The following TOM1L2 variants were observed in gnomAD, a reference collection of about 807,000 sequenced individuals.
TOM1L2 encodes the protein TOM1-like protein 2.
Under a neutral mutation model 67.9 loss-of-function variants are expected in TOM1L2, and 31 were observed. The observed-to-expected ratio is 0.46, with a 90% CI of 0.34 to 0.62. TOM1L2 has a LOEUF of 0.62. TOM1L2 is among the 20% of genes least tolerant of loss of function. The probability of loss-of-function intolerance (pLI) is 0.01; values close to 1 mark genes in which losing one functional copy is unlikely to be tolerated. For missense variants in TOM1L2, 606 were observed against 663.5 expected (o/e 0.91, Z 0.95); for synonymous variants, 256 against 254.0 (o/e 1.01, Z -0.07).
At chr17:17,952,376 CTTTTTTTTTTT>C (rs60388742) in intron 1 of TOM1L2, among the ~76,000 whole-genome samples, 13 of 79,914 alleles carry the variant, frequency 1.6e-4, no homozygotes, top group Non-Finnish European at 2.4e-4. Flanking sequence ...TCTTTATTTT[CTTTTTTTTTTT>C]TTTTTTTTTT....
rs534707601 is a variant in TOM1L2, at chr17:17,947,647, G to A, written c.52+24615C>T. Among the ~76,000 whole-genome samples, 35 of 152,260 alleles carry A rather than the reference G, an allele frequency of 2.3e-4. 1 individual carries two copies. The highest frequency in any genetic ancestry group is 4.4e-4 in the Non-Finnish European group (30 of 68,024). ...GTTCGGTTAAGCCTTCCAGTCTGTG[G>A]TATTTTGTTATGGTAGCCCTAGCAA... On this transcript the variant is annotated intron_variant, in intron 1 of 14. Coordinates refer to ENST00000379504, the MANE Select transcript of TOM1L2 (RefSeq NM_001082968.2).
chr17:17,884,772 G>A lies in TOM1L2; in HGVS notation c.367-4C>T, dbSNP rs1411679458. On this transcript the variant is annotated splice_polypyrimidine_tract_variant and splice_region_variant and intron_variant, in intron 4 of 14. Coordinates refer to ENST00000379504, the MANE Select transcript of TOM1L2 (RefSeq NM_001082968.2). ...TTCGAAAGGCATCAGCCCATGCCTG[G>A]GATAATAGAAGGCCTGTTAGGAAGC... The A allele has an allele frequency of 1.9e-6, 3 of 1,613,214 alleles. No homozygotes were observed. Among genetic ancestry groups the A allele is most frequent in the Middle Eastern group, 1.9e-4 (1 of 5,312 alleles).
intron 10 of TOM1L2, among the ~76,000 whole-genome samples, chr17:17,864,723 G>C (rs1379312827): frequency 6.6e-6 from 1 of 152,096 alleles, no homozygotes; most frequent in Non-Finnish European, 1.5e-5. Context: ...TGTTGGTTAG[G>C]CTGGTCTTGA....
chr17:17,945,141 A>T (rs2040888135), intron 1 of TOM1L2, among the ~76,000 whole-genome samples: 1 of 152,202 alleles, frequency 6.6e-6, no homozygotes, highest in Admixed American at 6.6e-5. Flanking sequence ...AAGGTAATGC[A>T]AAAGTCTTTA....
intron 1 of TOM1L2, among the ~76,000 whole-genome samples, chr17:17,924,788 A>C (rs1479985257): frequency 1.3e-5 from 2 of 152,140 alleles, no homozygotes; most frequent in East Asian, 3.8e-4. Flanking sequence ...AATTCTTAAA[A>C]CTTCTCAAAT....
rs2035700408 is a variant in TOM1L2 at position 17,847,397 on chromosome 17, G to A, written c.*238C>T. The A allele has an allele frequency of 1.7e-6, 1 of 572,494 alleles. No homozygotes were observed. The highest frequency in any genetic ancestry group is 3.2e-5 in the East Asian group (1 of 31,600). 35.5% of individuals were successfully genotyped at this position (572,494 alleles called of 1,614,324 possible). A position where few individuals can be genotyped will look rare whatever the true frequency, so the allele number is the denominator to read the frequency against. On this transcript the variant is annotated 3_prime_UTR_variant, in exon 15 of 15. Transcript: ENST00000379504. ...CTTCCTGGGAGGAAACATGGGCAGA[G>A]GGGCCCATGGTGGGAGGGGAGAGAG...
chr17:17,891,131 G>C (rs978994845), intron 4 of TOM1L2, among the ~76,000 whole-genome samples: 1 of 152,232 alleles, frequency 6.6e-6, no homozygotes, highest in African/African-American at 2.4e-5. Context: ...AGAAGCTTGT[G>C]AGGCATCTCA....
At chr17:17,962,916 G>A (rs2041746059) in intron 1 of TOM1L2, among the ~76,000 whole-genome samples, 1 of 151,194 alleles carries the variant, frequency 6.6e-6, no homozygotes, top group Non-Finnish European at 1.5e-5. Flanking sequence ...AGCCGAGGTC[G>A]TGCCACTGCA....
chr17:17,896,751 T>G (rs1215137961), intron 3 of TOM1L2, among the ~76,000 whole-genome samples: 2 of 152,194 alleles, frequency 1.3e-5, no homozygotes, highest in Non-Finnish European at 2.9e-5. Flanking sequence ...GATGTTTAAG[T>G]CCACAAATGA....
chr17:17,972,252 G>C lies in TOM1L2; in HGVS notation c.52+10C>G. 1 of 1,549,744 alleles carries C rather than the reference G, an allele frequency of 6.5e-7. No homozygotes were observed. The highest frequency in any genetic ancestry group is 8.7e-7 in the Non-Finnish European group (1 of 1,147,180). On this transcript the variant is annotated intron_variant, in intron 1 of 14. Transcript: ENST00000379504. ...CGTTGCCCAGCCTCCTGCCCCACAC[G>C]CGGCCTTACCGAGGCACTGCCCCAC... is the stretch of plus-strand genomic sequence containing the variant.
chr17:17,901,183 G>C (rs754587372), intron 2 of TOM1L2, among the ~76,000 whole-genome samples: 1 of 152,156 alleles, frequency 6.6e-6, no homozygotes, highest in African/African-American at 2.4e-5. Context: ...CTCTCTCCCC[G>C]GGGGAAAAGC....
chr17:17,865,742 C>CTTTT (rs35408977), intron 10 of TOM1L2, among the ~76,000 whole-genome samples: 12 of 103,528 alleles, frequency 1.2e-4, no homozygotes, highest in African/African-American at 2.1e-4. Context: ...GGTGACCTTT[C>CTTTT]TTTTTTTTTT....
rs1319093100 is a variant in TOM1L2 at position 17,879,758 on chromosome 17, G to A, written c.661-15C>T. ...AGCCTGGCAATCTGGTGGGGGCCAC[G>A]AGGAAGGAAAGCAGGAAGGAAAGGT... is the stretch of plus-strand genomic sequence containing the variant. On this transcript the variant is annotated splice_polypyrimidine_tract_variant and intron_variant, in intron 6 of 14. Coordinates refer to ENST00000379504, the MANE Select transcript of TOM1L2 (RefSeq NM_001082968.2). 10 of 1,604,840 alleles carry A rather than the reference G, an allele frequency of 6.2e-6. No individual in the cohort carries two copies. The East Asian group carries it at 6.7e-5, about 11-fold the overall frequency.
At position 17,848,985 on chromosome 17, in the gene TOM1L2, A is replaced by G. The variant is rs1217469972; in HGVS notation, c.1339-126T>C. ...AGGGTAGCCTGAACAAAACTTCCTA[A>G]TTTTCCCTGTTTCCAGATTTCTGTA... On this transcript the variant is annotated intron_variant, in intron 13 of 14. Coordinates refer to ENST00000379504, the MANE Select transcript of TOM1L2 (RefSeq NM_001082968.2). The G allele has an allele frequency of 3.9e-6, 3 of 768,696 alleles. No homozygotes were observed. The African/African-American group carries it at 5.3e-5, about 14-fold the overall frequency. The allele number at this position is 768,696 out of a possible 1,614,324, so 47.6% of individuals were successfully genotyped here. A position where few individuals can be genotyped will look rare whatever the true frequency, so the allele number is the denominator to read the frequency against.
intron 2 of TOM1L2, among the ~76,000 whole-genome samples, 189 bp downstream of exon 2, chr17:17,907,258 C>A (rs935878013): frequency 6.6e-6 from 1 of 152,222 alleles, no homozygotes; most frequent in Non-Finnish European, 1.5e-5. Context: ...CCAAGCACTG[C>A]CATTGGGCAA....
Position 17,847,814 on chromosome 17 carries a change from T to G in TOM1L2, c.1376-31A>C, listed in dbSNP as rs375892178. Reference sequence around the variant, plus strand: ...ATACAAACCAAGGCAAGGGTCAGGGTTGGTGAGGGCAGGCCACCAGAGGAA... The same window carrying G: ...ATACAAACCAAGGCAAGGGTCAGGGGTGGTGAGGGCAGGCCACCAGAGGAA... On this transcript the variant is annotated intron_variant, in intron 14 of 14. Coordinates refer to ENST00000379504, the MANE Select transcript of TOM1L2 (RefSeq NM_001082968.2). The G allele has an allele frequency of 5.6e-6, 9 of 1,613,132 alleles. No homozygotes were observed. The African/African-American group carries it at 1.2e-4, about 22-fold the overall frequency.
At chr17:17,862,341 C>T (rs12941039) in intron 11 of TOM1L2, 72,198 of 159,622 alleles carry the variant, frequency 0.45, 19,551 homozygotes, top group Non-Finnish European at 0.62. Flanking sequence ...AGGAAAATCT[C>T]GCTGTAAGGA....
At chr17:17,848,608 C>G (rs1458856966) in intron 14 of TOM1L2, among the ~76,000 whole-genome samples, 1 of 152,256 alleles carries the variant, frequency 6.6e-6, no homozygotes, top group Non-Finnish European at 1.5e-5. Context: ...TTGACATGTT[C>G]TTTCTGACCT....
intron 1 of TOM1L2, among the ~76,000 whole-genome samples, chr17:17,969,243 G>T (rs2041980754): frequency 6.6e-6 from 1 of 151,928 alleles, no homozygotes; most frequent in Non-Finnish European, 1.5e-5. Flanking sequence ...TACTAGTAGA[G>T]ACAGGGTTTC....
Sources: allele counts gnomAD v4.1 joint callset (sites outside exome capture counted in the v4.1 genomes callset), GRCh38; gene constraint gnomAD v4.1.1; transcripts MANE v1.5; gene names NCBI Gene and HGNC (gene_info 2026-07-23, HGNC 2026-07-21).